Variants in DNAJC27 observed in about 807,000 individuals in gnomAD.
DNAJC27 encodes the protein dnaJ homolog subfamily C member 27.
In DNAJC27, 25 loss-of-function variants were observed where a neutral mutation model predicts 31.4. The observed-to-expected ratio is 0.80, with a 90% CI of 0.58 to 1.11. The LOEUF (loss-of-function observed/expected upper bound fraction) is 1.11. Ranked by LOEUF, DNAJC27 falls within the 50% of genes most tolerant of loss-of-function variation. The pLI, the probability that DNAJC27 is intolerant of heterozygous loss-of-function variation, is 0.00. For missense variants in DNAJC27, 356 were observed against 347.3 expected (o/e 1.02, Z -0.20); for synonymous variants, 106 against 112.7 (o/e 0.94, Z 0.37).
chr2:24,961,588 G>A (rs1310509976), intron 3 of DNAJC27, among the ~76,000 whole-genome samples: 2 of 151,904 alleles, frequency 1.3e-5, no homozygotes, highest in East Asian at 3.9e-4. Flanking sequence ...TGATTCAGGG[G>A]AGAGGTCAAA....
intron 6 of DNAJC27, among the ~76,000 whole-genome samples, chr2:24,948,589 A>G (rs529621627): frequency 6.6e-4 from 101 of 152,308 alleles, no homozygotes; most frequent in African/African-American, 2.4e-3. Context: ...TATTATCCAG[A>G]GAGGAAAGGA....
intron 5 of DNAJC27, among the ~76,000 whole-genome samples, chr2:24,955,698 G>C (rs1403342065): frequency 6.6e-6 from 1 of 152,158 alleles, no homozygotes; most frequent in African/African-American, 2.4e-5. Context: ...GGGCACATTA[G>C]GTACAGAGAT....
At chr2:24,971,745 G>T in intron 1 of DNAJC27, 73 bp downstream of exon 1, 2 of 1,368,950 alleles carry the variant, frequency 1.5e-6, no homozygotes, top group Non-Finnish European at 2.0e-6. Context: ...GCTGTTGAGT[G>T]GCCGCCCTTC....
At position 24,944,178 on chromosome 2, in the gene DNAJC27, G is replaced by A. The variant is rs1045314036; in HGVS notation, c.*3438C>T. 1 of 152,104 alleles carries A rather than the reference G, an allele frequency of 6.6e-6. No individual in the cohort carries two copies. Among genetic ancestry groups the A allele is most frequent in the Middle Eastern group, 3.2e-3 (1 of 314 alleles). 9.4% of individuals were successfully genotyped at this position (152,104 alleles called of 1,614,324 possible). ...ACCTTTGATTCAGAGTAAGCTTGAT[G>A]GGGTACAGTGGCAAAGGAGGTGACA... On this transcript the variant is annotated 3_prime_UTR_variant, in exon 7 of 7. Transcript: ENST00000264711.
chr2:24,951,337 G>A lies in DNAJC27; in HGVS notation c.689+57C>T, dbSNP rs1250977639. On this transcript the variant is annotated intron_variant, in intron 6 of 6. Transcript: ENST00000264711. ...GAAGATATACTGCACCTATAATTTTGGTGATGGAGTCTTTCTTTATGATAG... is the reference window on the plus strand; with the variant it reads ...GAAGATATACTGCACCTATAATTTTAGTGATGGAGTCTTTCTTTATGATAG... 4 of 1,501,194 alleles carry A rather than the reference G, an allele frequency of 2.7e-6. No individual in the cohort carries two copies. The Admixed American group carries it at 8.0e-5, about 30-fold the overall frequency. The allele number at this position is 1,501,194 out of a possible 1,614,324, so 93.0% of individuals were successfully genotyped here.
At chr2:24,969,379 A>G in intron 1 of DNAJC27, 1 of 169,574 alleles carries the variant, frequency 5.9e-6, no homozygotes, top group Non-Finnish European at 1.3e-5. Context: ...ATGGGAATGC[A>G]TGCAAAGCTC....
At chr2:24,970,217 C>A (rs185678650) in intron 1 of DNAJC27, among the ~76,000 whole-genome samples, 1 of 152,006 alleles carries the variant, frequency 6.6e-6, no homozygotes, top group East Asian at 1.9e-4. Flanking sequence ...AATAATTTTG[C>A]TTTATTGAAT....
chr2:24,970,830 G>C (rs1666315470), intron 1 of DNAJC27, among the ~76,000 whole-genome samples: 1 of 151,908 alleles, frequency 6.6e-6, no homozygotes, highest in Non-Finnish European at 1.5e-5. Flanking sequence ...TACTATGCTA[G>C]CACATACACA....
At chr2:24,961,214 C>G (rs761427009) in intron 3 of DNAJC27, among the ~76,000 whole-genome samples, 1 of 152,120 alleles carries the variant, frequency 6.6e-6, no homozygotes, top group Admixed American at 6.6e-5. Flanking sequence ...AATGGAACAG[C>G]AAGGTCTGGA....
chr2:24,948,621 T>C (rs958026798), intron 6 of DNAJC27, among the ~76,000 whole-genome samples: 3 of 152,130 alleles, frequency 2.0e-5, no homozygotes, highest in African/African-American at 7.2e-5. Context: ...GCTTCTCCAA[T>C]CCGGCGGTTC....
intron 1 of DNAJC27, among the ~76,000 whole-genome samples, chr2:24,967,593 G>T (rs1206521253): frequency 1.3e-5 from 2 of 151,954 alleles, no homozygotes; most frequent in African/African-American, 2.4e-5. Context: ...CCAGCTACTC[G>T]GGAAGCTGAG....
chr2:24,957,724 GA>G lies in DNAJC27; in HGVS notation c.405+85del. On this transcript the variant is annotated intron_variant, in intron 4 of 6. Coordinates refer to ENST00000264711, the MANE Select transcript of DNAJC27 (RefSeq NM_016544.3). ...ATTGATTTCCATATTACACAATAAGGAATTTTTCTTTTCTTTTTGTTTCCCA... is the reference window on the plus strand; with the variant it reads ...ATTGATTTCCATATTACACAATAAGGATTTTTCTTTTCTTTTTGTTTCCCA... The G allele has an allele frequency of 3.2e-6, 4 of 1,262,810 alleles. No homozygotes were observed. The South Asian group carries it at 5.6e-5, about 18-fold the overall frequency. 78.2% of individuals were successfully genotyped at this position (1,262,810 alleles called of 1,614,324 possible). A position where few individuals can be genotyped will look rare whatever the true frequency, so the allele number is the denominator to read the frequency against.
Position 24,957,157 on chromosome 2 carries a change from A to ACAAT in DNAJC27, c.410_413dup (p.Cys138Ter). ...TTTCATCTACACAGCGATGTTTGGT[A>ACAAT]CAATCAATCTGAAATAGAAGGGGCG... On this transcript the variant is annotated stop_gained and frameshift_variant, in exon 5 of 7. Transcript: ENST00000264711. LOFTEE classifies it high-confidence loss of function. 6.3e-7 allele frequency: 1 copy of ACAAT among 1,597,428 alleles called. No homozygotes were observed.
chr2:24,944,236 C>T lies in DNAJC27; in HGVS notation c.*3380G>A, dbSNP rs548956689. 5 of 152,270 alleles carry T rather than the reference C, an allele frequency of 3.3e-5. No individual in the cohort carries two copies. The highest frequency in any genetic ancestry group is 9.6e-5 in the African/African-American group (4 of 41,550). 9.4% of individuals were successfully genotyped at this position (152,270 alleles called of 1,614,324 possible). On this transcript the variant is annotated 3_prime_UTR_variant, in exon 7 of 7. Coordinates refer to ENST00000264711, the MANE Select transcript of DNAJC27 (RefSeq NM_016544.3). The stretch of plus-strand genomic sequence containing the variant: ...GCCTAGTGGAATTAGTTGTAAGACG[C>T]GCACTGTCACTGTCAAAGGCAACAA...
intron 6 of DNAJC27, among the ~76,000 whole-genome samples, 190 bp downstream of exon 6, chr2:24,951,204 C>G (rs1665766905): frequency 6.6e-6 from 1 of 152,254 alleles, no homozygotes; most frequent in Non-Finnish European, 1.5e-5. Context: ...AGTTTTCTCA[C>G]CAGGCAACTG....
chr2:24,963,359 C>A lies in DNAJC27; in HGVS notation c.240+46G>T, dbSNP rs774230113. 30 of 1,490,516 alleles carry A rather than the reference C, an allele frequency of 2.0e-5. No individual in the cohort carries two copies. The African/African-American group carries it at 3.0e-4, about 15-fold the overall frequency. The allele number at this position is 1,490,516 out of a possible 1,614,324, so 92.3% of individuals were successfully genotyped here. A position where few individuals can be genotyped will look rare whatever the true frequency, so the allele number is the denominator to read the frequency against. On this transcript the variant is annotated intron_variant, in intron 3 of 6. Transcript: ENST00000264711. ...ATATAATTCTGGATCTCTCCCCAAA[C>A]CACCAACAATACTGGATATAGGTTT... is the stretch of plus-strand genomic sequence containing the variant.
intron 1 of DNAJC27, among the ~76,000 whole-genome samples, chr2:24,971,009 G>A (rs959653816): frequency 2.0e-5 from 3 of 152,206 alleles, no homozygotes; most frequent in African/African-American, 7.2e-5. Flanking sequence ...GGAATGTGAA[G>A]ACTTAGGTTC....
At chr2:24,962,218 TTTG>T (rs372056855) in intron 3 of DNAJC27, among the ~76,000 whole-genome samples, 2,641 of 80,176 alleles carry the variant, frequency 0.033, 73 homozygotes, top group African/African-American at 0.071. Context: ...CTTTTTTTCT[TTTG>T]TTTTTTTTTG....
chr2:24,947,834 T>C, intron 6 of DNAJC27, 86 bp from the exon 7 acceptor site: 2 of 1,443,830 alleles, frequency 1.4e-6, no homozygotes, highest in Non-Finnish European at 1.9e-6. Flanking sequence ...ATAGTATCTC[T>C]TACAGTGAAC....
Sources: allele counts gnomAD v4.1 joint callset (sites outside exome capture counted in the v4.1 genomes callset), GRCh38; gene constraint gnomAD v4.1.1; transcripts MANE v1.5; gene names NCBI Gene and HGNC (gene_info 2026-07-23, HGNC 2026-07-21).